AKAP6: variants seen among roughly 807,000 people sequenced by gnomAD.
AKAP6 encodes A-kinase anchor protein 6.
AKAP6 carries 58 observed loss-of-function variants against 188.5 expected under a neutral mutation model. The observed-to-expected ratio is 0.31, with a 90% CI of 0.25 to 0.38. The LOEUF (loss-of-function observed/expected upper bound fraction) is 0.38. Among genes scored for constraint, AKAP6 ranks in the 10% least tolerant of loss-of-function variants. The probability of loss-of-function intolerance (pLI) is 1.00; values close to 1 mark genes in which losing one functional copy is unlikely to be tolerated. For synonymous variants in AKAP6, 989 were observed against 998.6 expected, an observed-to-expected ratio of 0.99 and a Z score of 0.18; for missense variants, 2,710 against 2,740.0, an observed-to-expected ratio of 0.99 and a Z score of 0.24.
intron 7 of AKAP6, among the ~76,000 whole-genome samples, chr14:32,656,279 ACT>A (rs1888451109): frequency 6.6e-6 from 1 of 152,110 alleles, no homozygotes; most frequent in South Asian, 2.1e-4. Context: ...ATCAAAGGTG[ACT>A]CTATTTAATG....
chr14:32,540,178 A>C (rs1168023684), intron 3 of AKAP6, among the ~76,000 whole-genome samples: 77 of 129,938 alleles, frequency 5.9e-4, no homozygotes, highest in South Asian at 1.1e-3. Context: ...CTATATATAT[A>C]TATATATATA....
intron 2 of AKAP6, among the ~76,000 whole-genome samples, chr14:32,478,772 G>T (rs1879195863): frequency 6.6e-6 from 1 of 152,300 alleles, no homozygotes; most frequent in Middle Eastern, 3.4e-3. Flanking sequence ...GATGGATAGA[G>T]ACTGGCTGTG....
intron 12 of AKAP6, among the ~76,000 whole-genome samples, chr14:32,788,040 C>CAAAA (rs10606532): frequency 1.7e-4 from 16 of 96,318 alleles, no homozygotes; most frequent in African/African-American, 5.5e-4. Context: ...GACCCCATCT[C>CAAAA]AAAAAAAAAA....
intron 11 of AKAP6, among the ~76,000 whole-genome samples, chr14:32,742,262 C>G (rs954497913): frequency 4.0e-5 from 6 of 151,708 alleles, no homozygotes; most frequent in African/African-American, 1.5e-4. Flanking sequence ...GATCTTCTCT[C>G]TTTTTCTTAG....
chr14:32,490,241 A>G (rs949444642), intron 2 of AKAP6, among the ~76,000 whole-genome samples: 2 of 151,652 alleles, frequency 1.3e-5, no homozygotes, highest in Non-Finnish European at 2.9e-5. Flanking sequence ...ATCTGGATGT[A>G]TATGTGCAGG....
At chr14:32,622,341 G>GT (rs1434316660) in intron 7 of AKAP6, among the ~76,000 whole-genome samples, 1 of 151,798 alleles carries the variant, frequency 6.6e-6, no homozygotes. Flanking sequence ...AAACTTTAAT[G>GT]TTTTTTTCAA....
intron 2 of AKAP6, among the ~76,000 whole-genome samples, chr14:32,454,226 T>G (rs1891043266): frequency 6.6e-6 from 1 of 152,192 alleles, no homozygotes; most frequent in Admixed American, 6.5e-5. Context: ...TCACTGGCAT[T>G]TTAAAAAATA....
At chr14:32,709,813 C>T (rs1024827432) in intron 9 of AKAP6, among the ~76,000 whole-genome samples, 1 of 151,994 alleles carries the variant, frequency 6.6e-6, no homozygotes, top group South Asian at 2.1e-4. Context: ...CTTCTGTTTT[C>T]TGTATAGTCA....
chr14:32,705,273 G>A (rs1890765782), intron 9 of AKAP6, among the ~76,000 whole-genome samples: 1 of 152,164 alleles, frequency 6.6e-6, no homozygotes, highest in Non-Finnish European at 1.5e-5. Flanking sequence ...CAGATATTCT[G>A]TGGGGAAGGC....
intron 12 of AKAP6, among the ~76,000 whole-genome samples, chr14:32,777,840 C>A (rs1286155130): frequency 6.6e-6 from 1 of 152,052 alleles, no homozygotes; most frequent in Non-Finnish European, 1.5e-5. Flanking sequence ...GAGTTCAAGA[C>A]CAACCTGGGC....
At chr14:32,713,439 A>C (rs555002751) in intron 9 of AKAP6, among the ~76,000 whole-genome samples, 1 of 145,106 alleles carries the variant, frequency 6.9e-6, no homozygotes, top group Middle Eastern at 3.5e-3. Flanking sequence ...TCTCCTCTCT[A>C]GCCATGAAAG....
chr14:32,718,386 A>G (rs2030343817), intron 9 of AKAP6: 3 of 959,022 alleles, frequency 3.1e-6, no homozygotes, highest in African/African-American at 1.8e-5. Context: ...AAATATGGGT[A>G]GGTACCCAAA....
intron 11 of AKAP6, among the ~76,000 whole-genome samples, chr14:32,751,114 A>T (rs1335486187): frequency 6.6e-6 from 1 of 152,106 alleles, no homozygotes; most frequent in Non-Finnish European, 1.5e-5. Context: ...ATGAATAAAA[A>T]TAAAAGTAAT....
chr14:32,735,606 G>GGT, intron 10 of AKAP6, 52 bp from the exon 11 acceptor site: 2 of 1,317,944 alleles, frequency 1.5e-6, no homozygotes, highest in Non-Finnish European at 2.1e-6. Flanking sequence ...TGTTCGTGGG[G>GGT]TTTTTTTTTG....
At chr14:32,736,284 T>A (rs1028948230) in intron 11 of AKAP6, among the ~76,000 whole-genome samples, 1 of 152,168 alleles carries the variant, frequency 6.6e-6, no homozygotes, top group Admixed American at 6.6e-5. Context: ...TCGAAGTCCA[T>A]TACTGCTAAC....
At chr14:32,451,158 C>G (rs8013835) in intron 2 of AKAP6, among the ~76,000 whole-genome samples, 8,515 of 152,132 alleles carry the variant, frequency 0.056, 644 homozygotes, top group African/African-American at 0.17. Flanking sequence ...CATGATTCAT[C>G]AAGACTAAAT....
chr14:32,722,217 G>A (rs2030580157), intron 9 of AKAP6, among the ~76,000 whole-genome samples: 1 of 152,024 alleles, frequency 6.6e-6, no homozygotes, highest in Non-Finnish European at 1.5e-5. Flanking sequence ...CTCCCTTACT[G>A]AAGTGCTTTT....
chr14:32,573,196 G>A lies in AKAP6; in HGVS notation c.2347-3924G>A, dbSNP rs528845004. ...AGACACTGAACAGATACAGCAGGAGGAGTTTGAACAATGAAGGCTAAAATG... is the reference window on the plus strand; with the variant it reads ...AGACACTGAACAGATACAGCAGGAGAAGTTTGAACAATGAAGGCTAAAATG... On this transcript the variant is annotated intron_variant, in intron 4 of 13. Coordinates refer to ENST00000280979, the MANE Select transcript of AKAP6 (RefSeq NM_004274.5). 2.0e-5 allele frequency among the ~76,000 whole-genome samples: 3 copies of A among 152,270 alleles called. No homozygotes were observed. In the South Asian group the frequency reaches 6.2e-4, roughly 32 times the overall value.
At chr14:32,730,993 A>T (rs1283482889) in intron 9 of AKAP6, among the ~76,000 whole-genome samples, 2 of 152,138 alleles carry the variant, frequency 1.3e-5, no homozygotes, top group Non-Finnish European at 2.9e-5. Context: ...CACAGGCCAG[A>T]TTCTAAAAGC....
Sources: gnomAD v4.1 joint callset for allele counts (sites outside exome capture counted in the v4.1 genomes callset) on GRCh38, gnomAD v4.1.1 for gene constraint, MANE v1.5 for transcripts, NCBI Gene and HGNC (gene_info 2026-07-23, HGNC 2026-07-21) for gene names.